PACRG: variants seen among roughly 807,000 people sequenced by gnomAD.
The protein encoded by PACRG is parkin coregulated gene protein.
A neutral mutation model predicts 29.7 loss-of-function variants in PACRG; 29 were observed. That is an observed-to-expected ratio of 0.98 (90% confidence interval 0.73 to 1.33). PACRG has a LOEUF of 1.33. Ranked by LOEUF, PACRG falls within the 40% of genes most tolerant of loss-of-function variation. PACRG has a pLI of 0.00. For synonymous variants in PACRG, 116 were observed against 118.7 expected (o/e 0.98, Z 0.15); for missense variants, 279 against 316.2 (o/e 0.88, Z 0.89).
At chr6:162,947,257 A>T (rs1191931787) in intron 2 of PACRG, among the ~76,000 whole-genome samples, 1 of 143,330 alleles carries the variant, frequency 7.0e-6, no homozygotes, top group African/African-American at 2.6e-5. Flanking sequence ...CATATATCAT[A>T]TATAATCTAT....
At chr6:163,048,680 T>G (rs1023977972) in intron 2 of PACRG, among the ~76,000 whole-genome samples, 13 of 152,198 alleles carry the variant, frequency 8.5e-5, no homozygotes, top group Admixed American at 7.2e-4. Flanking sequence ...GTTAAGTAAT[T>G]TCATTAGGAT....
At chr6:163,299,537 C>T (rs1784908114) in intron 4 of PACRG, among the ~76,000 whole-genome samples, 1 of 152,174 alleles carries the variant, frequency 6.6e-6, no homozygotes, top group South Asian at 2.1e-4. Flanking sequence ...TACCTTGACT[C>T]CCCAAATTCC....
At chr6:163,274,799 G>A (rs1783965996) in intron 4 of PACRG, among the ~76,000 whole-genome samples, 1 of 150,430 alleles carries the variant, frequency 6.6e-6, no homozygotes, top group Non-Finnish European at 1.5e-5. Flanking sequence ...ATAAAATCAA[G>A]TTACTTGGTA....
chr6:162,948,180 T>C (rs186521558), intron 2 of PACRG, among the ~76,000 whole-genome samples: 1 of 152,118 alleles, frequency 6.6e-6, no homozygotes, highest in Admixed American at 6.6e-5. Context: ...CAGGATGGTA[T>C]TGATATAAAC....
At chr6:163,195,204 G>T (rs1224930588) in intron 4 of PACRG, among the ~76,000 whole-genome samples, 1 of 152,222 alleles carries the variant, frequency 6.6e-6, no homozygotes, top group African/African-American at 2.4e-5. Context: ...TCTCAGCCAC[G>T]CTTTGATGAT....
At chr6:163,103,640 C>A (rs947990359) in intron 4 of PACRG, among the ~76,000 whole-genome samples, 1 of 152,072 alleles carries the variant, frequency 6.6e-6, no homozygotes, top group Non-Finnish European at 1.5e-5. Context: ...TCATGTTTGA[C>A]TGAATAACAA....
intron 2 of PACRG, among the ~76,000 whole-genome samples, chr6:162,815,408 G>A (rs1214911454): frequency 6.7e-6 from 1 of 149,106 alleles, no homozygotes; most frequent in African/African-American, 2.5e-5. Context: ...ATTATATCTA[G>A]TATGTCTTTT....
At chr6:162,979,690 G>T (rs1802246920) in intron 2 of PACRG, among the ~76,000 whole-genome samples, 1 of 152,056 alleles carries the variant, frequency 6.6e-6, no homozygotes, top group Non-Finnish European at 1.5e-5. Context: ...TTACACACTT[G>T]AAATGTTGGT....
At chr6:163,227,300 G>A (rs999555774) in intron 4 of PACRG, among the ~76,000 whole-genome samples, 2 of 152,018 alleles carry the variant, frequency 1.3e-5, no homozygotes, top group Admixed American at 6.6e-5. Context: ...AAGGTGCCAC[G>A]TACTTAACAA....
intron 4 of PACRG, among the ~76,000 whole-genome samples, chr6:163,097,770 G>A (rs185945890): frequency 1.3e-5 from 2 of 152,060 alleles, no homozygotes; most frequent in East Asian, 3.9e-4. Flanking sequence ...AGAGTGTCAG[G>A]GTCAAGATAA....
At chr6:162,727,668 T>C (rs772786691), upstream of PACRG, 12 of 1,583,202 alleles carry the variant, frequency 7.6e-6, no homozygotes, top group Admixed American at 7.1e-5. Flanking sequence ...GTACCTATCA[T>C]GGTCACTGGG....
At chr6:162,837,626 A>C (rs1276508152) in intron 2 of PACRG, among the ~76,000 whole-genome samples, 1 of 152,202 alleles carries the variant, frequency 6.6e-6, no homozygotes, top group Non-Finnish European at 1.5e-5. Context: ...AGGAAATCAA[A>C]TGACATTTTC....
At chr6:163,072,981 TG>T (rs1290632408) in intron 3 of PACRG, among the ~76,000 whole-genome samples, 5 of 152,210 alleles carry the variant, frequency 3.3e-5, no homozygotes, top group Non-Finnish European at 7.4e-5. Context: ...AGATATTTTA[TG>T]TTCACGAATT....
intron 2 of PACRG, among the ~76,000 whole-genome samples, chr6:162,947,613 T>TATATATATATATAATC (rs1562767291): frequency 6.0e-4 from 9 of 14,898 alleles, no homozygotes; most frequent in African/African-American, 1.9e-3. Flanking sequence ...TATATAATCA[T>TATATATATATATAATC]ATATATATAT....
intron 4 of PACRG, among the ~76,000 whole-genome samples, chr6:163,301,746 T>G (rs1321996413): frequency 6.6e-6 from 1 of 152,190 alleles, no homozygotes; most frequent in Non-Finnish European, 1.5e-5. Flanking sequence ...GGAGCTACAG[T>G]ATAGACAAAA....
chr6:163,113,222 CTT>C (rs1308019697), intron 4 of PACRG, among the ~76,000 whole-genome samples: 1 of 152,066 alleles, frequency 6.6e-6, no homozygotes, highest in African/African-American at 2.4e-5. Flanking sequence ...AAGCATTTCT[CTT>C]TTGAAAAAGT....
intron 2 of PACRG, among the ~76,000 whole-genome samples, chr6:163,005,788 T>C (rs1454148996): frequency 2.0e-5 from 3 of 148,552 alleles, no homozygotes; most frequent in African/African-American, 2.5e-5. Context: ...AACGTAGTTA[T>C]ACATGTTATA....
chr6:163,059,556 A>G (rs1810918556), intron 2 of PACRG, among the ~76,000 whole-genome samples: 1 of 152,228 alleles, frequency 6.6e-6, no homozygotes, highest in African/African-American at 2.4e-5. Context: ...TCAACAATTT[A>G]CCAGGAGGTT....
intron 4 of PACRG, among the ~76,000 whole-genome samples, chr6:163,273,118 C>T (rs904054108): frequency 2.0e-5 from 3 of 146,512 alleles, no homozygotes; most frequent in Non-Finnish European, 4.4e-5. Flanking sequence ...TGGTCTCGAT[C>T]TCCTGACCTC....
Sources: allele counts gnomAD v4.1 joint callset (sites outside exome capture counted in the v4.1 genomes callset), GRCh38; gene constraint gnomAD v4.1.1; transcripts MANE v1.5; gene names NCBI Gene and HGNC (gene_info 2026-07-23, HGNC 2026-07-21).